The following NLGN2 variants were observed in gnomAD, a reference collection of about 807,000 sequenced individuals.
The protein encoded by NLGN2 is neuroligin-2.
Under a neutral mutation model 48.6 loss-of-function variants are expected in NLGN2, and 11 were observed. The observed-to-expected ratio is 0.23, with a 90% CI of 0.14 to 0.37. The LOEUF (loss-of-function observed/expected upper bound fraction) is 0.37. Ranked by LOEUF, NLGN2 falls within the 10% of genes least tolerant of loss-of-function variation. NLGN2 has a pLI of 1.00. For synonymous variants in NLGN2, 548 were observed against 550.0 expected (o/e 1.00, Z 0.05); for missense variants, 801 against 1,225.2 (o/e 0.65, Z 5.17).
Position 7,408,348 on chromosome 17 carries a change from G to A in NLGN2, c.93G>A (p.Leu31=). The A allele has an allele frequency of 6.8e-7, 1 of 1,479,250 alleles. No individual in the cohort carries two copies. Among genetic ancestry groups the A allele is most frequent in the Non-Finnish European group, 8.9e-7 (1 of 1,117,742 alleles). The allele number at this position is 1,479,250 out of a possible 1,614,324, so 91.6% of individuals were successfully genotyped here. ...PGGGAPGGPG[L]GLGSLGEERF... is the part of the protein sequence containing the mutation. ...GCGGCGCCCCGGGCGGCCCCGGCCT[G>A]GGCCTCGGCAGCCTCGGCGAGGAGC... is the stretch of plus-strand genomic sequence containing the variant. The change falls in exon 1 of 7, where the codon CTG becomes CTA. Residue 31 remains leucine, a synonymous_variant. Transcript: ENST00000302926. This position sits in a 1 kb window ranked among gnomAD's most constrained non-coding sequence, Gnocchi z 7.5.
In NLGN2 at chr17:7,408,061, T is replaced by A; in HGVS notation, c.-195T>A. On this transcript the variant is annotated 5_prime_UTR_variant, in exon 1 of 7. Coordinates refer to ENST00000302926, the MANE Select transcript of NLGN2 (RefSeq NM_020795.4). This position sits in a 1 kb window ranked among gnomAD's most constrained non-coding sequence, Gnocchi z 7.5. ...CATTTCCTTCCCCTTCCCCACCCCG[T>A]GCCCCCTCCATGGAGAGGAACAGAC... 1 of 320,422 alleles carries A rather than the reference T, an allele frequency of 3.1e-6. No individual in the cohort carries two copies. Among genetic ancestry groups the A allele is most frequent in the Non-Finnish European group, 5.6e-6 (1 of 178,580 alleles). 19.8% of individuals were successfully genotyped at this position (320,422 alleles called of 1,614,324 possible).
rs1045483646 is a variant in NLGN2, at chr17:7,411,721, G to C, written c.458-436G>C. ...AAGGGGGCCTTCTGAGAGGTGGCCT[G>C]GGTGGCAAGCTGGCCTTGGTCTCCC... is the stretch of plus-strand genomic sequence containing the variant. On this transcript the variant is annotated intron_variant, in intron 1 of 6. Transcript: ENST00000302926. This position sits in a 1 kb window ranked among gnomAD's most constrained non-coding sequence, Gnocchi z 4.5. Among the ~76,000 whole-genome samples, 18 of 152,184 alleles carry C rather than the reference G, an allele frequency of 1.2e-4. No individual in the cohort carries two copies. The highest frequency in any genetic ancestry group is 4.1e-4 in the African/African-American group (17 of 41,440).
chr17:7,408,212 AGG>A lies in NLGN2; in HGVS notation c.-35_-34del, dbSNP rs749995574. 51 of 880,738 alleles carry A rather than the reference AGG, an allele frequency of 5.8e-5. No individual in the cohort carries two copies. Among genetic ancestry groups the A allele is most frequent in the East Asian group, 8.3e-5 (2 of 23,968 alleles). 54.6% of individuals were successfully genotyped at this position (880,738 alleles called of 1,614,324 possible). A position where few individuals can be genotyped will look rare whatever the true frequency, so the allele number is the denominator to read the frequency against. Reference sequence around the variant, plus strand: ...TCTCCCCCCCTTCTCTCTCTCTCCGAGGGGGGGGGGTCCCAGGGAGGGAGGGG... The same window carrying A: ...TCTCCCCCCCTTCTCTCTCTCTCCGAGGGGGGGGTCCCAGGGAGGGAGGGG... On this transcript the variant is annotated 5_prime_UTR_variant, in exon 1 of 7. Coordinates refer to ENST00000302926, the MANE Select transcript of NLGN2 (RefSeq NM_020795.4). This position sits in a 1 kb window ranked among gnomAD's most constrained non-coding sequence, Gnocchi z 7.5.
In NLGN2 at chr17:7,417,626, G is replaced by A. The variant is rs1158334530; in HGVS notation, c.2335G>A (p.Asp779Asn). ...YTLALRRAPD[D>N]VPLLAPGALT... Reference sequence around the variant, plus strand: ...CCTGGCCCTGCGCCGGGCACCGGACGATGTGCCTCTCTTGGCCCCCGGGGC... The same window carrying A: ...CCTGGCCCTGCGCCGGGCACCGGACAATGTGCCTCTCTTGGCCCCCGGGGC... Residue 779 changes from aspartate to asparagine, a missense_variant, in exon 7 of 7, where the codon GAT (aspartate) becomes AAT (asparagine). Coordinates refer to ENST00000302926, the MANE Select transcript of NLGN2 (RefSeq NM_020795.4). 4 of 1,415,294 alleles carry A rather than the reference G, an allele frequency of 2.8e-6. No homozygotes were observed. Among genetic ancestry groups the A allele is most frequent in the Non-Finnish European group, 1.8e-6 (2 of 1,094,364 alleles). 87.7% of individuals were successfully genotyped at this position (1,415,294 alleles called of 1,614,324 possible).
At position 7,417,672 on chromosome 17, in the gene NLGN2, G is replaced by T; in HGVS notation, c.2381G>T (p.Gly794Val). Residue 794 changes from glycine (G) to valine (V), a missense_variant, in exon 7 of 7, where the codon GGC becomes GTC. By Grantham distance (109) the Gly-to-Val change is moderately radical. Transcript: ENST00000302926. ...GGGGCCCTGACCCTGCTGCCCAGTGGCCTGGGGCCACCGCCACCCCCACCG... is the reference window on the plus strand; with the variant it reads ...GGGGCCCTGACCCTGCTGCCCAGTGTCCTGGGGCCACCGCCACCCCCACCG... ...APGALTLLPSGLGPPPPPPPP... is the reference protein window; with the variant it reads ...APGALTLLPSVLGPPPPPPPP... 1 of 1,380,308 alleles carries T rather than the reference G, an allele frequency of 7.2e-7. No homozygotes were observed. The highest frequency in any genetic ancestry group is 9.3e-7 in the Non-Finnish European group (1 of 1,074,578). 85.5% of individuals were successfully genotyped at this position (1,380,308 alleles called of 1,614,324 possible).
In NLGN2 at chr17:7,414,553, A is replaced by AG. The variant is rs1360278501; in HGVS notation, c.658+63dup. 1.6e-5 allele frequency: 25 copies of AG among 1,611,550 alleles called. 1 individual carries two copies. In the East Asian group the frequency reaches 4.9e-4, roughly 32 times the overall value. On this transcript the variant is annotated intron_variant, in intron 3 of 6. Transcript: ENST00000302926. ...AGTCTGGGAGGTGGGCCTGGTGGGC[A>AG]GGGTTCCTCCACATCCAGCAGAATG...
rs369749658 is a variant in NLGN2, at chr17:7,409,748, G to A, written c.457+1036G>A. On this transcript the variant is annotated intron_variant, in intron 1 of 6. Transcript: ENST00000302926. ...CAGCACCTCCACGGCATGTGCTCAA[G>A]TCCCAAAACAGATGGCAAATCCCAA... Among the ~76,000 whole-genome samples the A allele has an allele frequency of 5.3e-4, 80 of 152,142 alleles. 2 individuals are homozygous for A. Among genetic ancestry groups the A allele is most frequent in the Middle Eastern group, 3.4e-3 (1 of 294 alleles).
In NLGN2 at chr17:7,414,931, G is replaced by A. The variant is rs1354193680; in HGVS notation, c.845-25G>A. ...CCTTCAGGCCGGTACTCACAGCCTG[G>A]CCTGAGGTCTGCCTGTCCCGCCAGG... is the stretch of plus-strand genomic sequence containing the variant. On this transcript the variant is annotated intron_variant, in intron 4 of 6. Transcript: ENST00000302926. 3 of 1,613,080 alleles carry A rather than the reference G, an allele frequency of 1.9e-6. No individual in the cohort carries two copies. In the South Asian group the frequency reaches 3.3e-5, roughly 18 times the overall value.
intron 5 of NLGN2, 89 bp downstream of exon 5, chr17:7,415,237 G>A (rs1907054708): frequency 2.3e-6 from 3 of 1,301,942 alleles, no homozygotes; most frequent in Non-Finnish European, 3.1e-6. Context: ...ATTTGGCAAG[G>A]AGGGATGGGC....
chr17:7,406,507 C>T (rs1906644494), upstream of NLGN2, among the ~76,000 whole-genome samples: 1 of 152,142 alleles, frequency 6.6e-6, no homozygotes, highest in Non-Finnish European at 1.5e-5. Flanking sequence ...AGCTGAAAGG[C>T]AGGGGGCATG....
chr17:7,412,320 C>A, intron 2 of NLGN2, 113 bp downstream of exon 2: 1 of 753,394 alleles, frequency 1.3e-6, no homozygotes, highest in Non-Finnish European at 2.3e-6. Context: ...GTTCTCCCAA[C>A]TAAAATGAAA....
Position 7,417,815 on chromosome 17 carries a change from G to A in NLGN2, c.*16G>A, listed in dbSNP as rs1907202144. 7.5e-7 allele frequency: 1 copy of A among 1,341,980 alleles called. No individual in the cohort carries two copies. The highest frequency in any genetic ancestry group is 9.5e-7 in the Non-Finnish European group (1 of 1,054,668). The allele number at this position is 1,341,980 out of a possible 1,614,324, so 83.1% of individuals were successfully genotyped here. ...TCGGGTATAGGGGGTGGGTGGGGAGGCCCTCCTCCCCGGCCCTCCCTGGCC... is the reference window on the plus strand; with the variant it reads ...TCGGGTATAGGGGGTGGGTGGGGAGACCCTCCTCCCCGGCCCTCCCTGGCC... On this transcript the variant is annotated 3_prime_UTR_variant, in exon 7 of 7. Coordinates refer to ENST00000302926, the MANE Select transcript of NLGN2 (RefSeq NM_020795.4).
intron 6 of NLGN2, 22 bp downstream of exon 6, chr17:7,416,129 C>T (rs376090684): frequency 3.3e-4 from 162 of 497,032 alleles, no homozygotes; most frequent in Non-Finnish European, 5.6e-4. Context: ...AGGGGCTGGG[C>T]GGGGCTGGGC....
Position 7,408,452 on chromosome 17 carries a change from T to C in NLGN2, c.197T>C (p.Val66Ala). Residue 66 changes from valine to alanine, a missense_variant, in exon 1 of 7, where the codon GTC (valine) becomes GCC (alanine). Physicochemically the swap from Val to Ala is moderately conservative, Grantham distance 64. Around this residue, in one of 5 missense-constraint regions of NLGN2, gnomAD observed 164 missense variants for 186.2 expected, o/e 0.88. Coordinates refer to ENST00000302926, the MANE Select transcript of NLGN2 (RefSeq NM_020795.4). The surrounding 1 kb of genome is among the most constrained non-coding windows in gnomAD (Gnocchi z 7.5). ...RELNNEILGPVVQFLGVPYAT... is the reference protein window; with the variant it reads ...RELNNEILGPAVQFLGVPYAT... The stretch of plus-strand genomic sequence containing the variant: ...CTCAACAACGAGATCCTGGGCCCCG[T>C]CGTGCAGTTCTTGGGCGTGCCCTAC... The C allele has an allele frequency of 6.4e-7, 1 of 1,564,286 alleles. No homozygotes were observed. The highest frequency in any genetic ancestry group is 8.6e-7 in the Non-Finnish European group (1 of 1,159,750).
chr17:7,412,751 A>G (rs1324587118), intron 2 of NLGN2, among the ~76,000 whole-genome samples: 1 of 152,032 alleles, frequency 6.6e-6, no homozygotes, highest in Non-Finnish European at 1.5e-5. Context: ...ACAGGGCCCA[A>G]TATCTTGAAG....
intron 2 of NLGN2, 104 bp downstream of exon 2, chr17:7,412,311 T>C: frequency 1.3e-6 from 1 of 783,182 alleles, no homozygotes; most frequent in Non-Finnish European, 2.2e-6. Flanking sequence ...CCCTCAGTCG[T>C]TCTCCCAACT....
chr17:7,409,589 T>A (rs1286164402), intron 1 of NLGN2, among the ~76,000 whole-genome samples: 1 of 151,852 alleles, frequency 6.6e-6, no homozygotes, highest in Non-Finnish European at 1.5e-5. Context: ...CTGACACCCA[T>A]CTTACCACTC....
Position 7,418,276 on chromosome 17 carries a change from C to G in NLGN2, c.*477C>G, listed in dbSNP as rs1454675639. 1.3e-5 allele frequency: 2 copies of G among 152,248 alleles called. No homozygotes were observed. Among genetic ancestry groups the G allele is most frequent in the Non-Finnish European group, 2.9e-5 (2 of 68,134 alleles). The allele number at this position is 152,248 out of a possible 1,614,324, so 9.4% of individuals were successfully genotyped here. A position where few individuals can be genotyped will look rare whatever the true frequency, so the allele number is the denominator to read the frequency against. On this transcript the variant is annotated 3_prime_UTR_variant, in exon 7 of 7. Coordinates refer to ENST00000302926, the MANE Select transcript of NLGN2 (RefSeq NM_020795.4). Reference sequence around the variant, plus strand: ...ACCCTGGAAGTGGTGTGTTCACATACAGTGACCCTTGGCCACCAGACCACA... The same window carrying G: ...ACCCTGGAAGTGGTGTGTTCACATAGAGTGACCCTTGGCCACCAGACCACA...
chr17:7,415,144 G>T lies in NLGN2; in HGVS notation c.1033G>T (p.Ala345Ser), dbSNP rs1192085614. 1 of 1,594,580 alleles carries T rather than the reference G, an allele frequency of 6.3e-7. No homozygotes were observed. The highest frequency in any genetic ancestry group is 1.1e-5 in the South Asian group (1 of 88,658). ...GCTGGTGGACCAGGACGTGCAGCCT[G>T]CCCGGTATGGGGTGGGAGAGGGCTG... ...RELVDQDVQP[A>S]RYHIAFGPVV... is the part of the protein sequence containing the mutation. The change falls in exon 5 of 7, where the codon GCC (alanine) becomes TCC (serine). Residue 345 changes from alanine (A) to serine (S), a missense_variant. Coordinates refer to ENST00000302926, the MANE Select transcript of NLGN2 (RefSeq NM_020795.4).
Sources: gnomAD v4.1 joint callset for allele counts (sites outside exome capture counted in the v4.1 genomes callset) on GRCh38, gnomAD v4.1.1 for gene constraint, gnomAD v4.1.1 regional missense constraint, Gnocchi (gnomAD v3.1) non-coding constraint, MANE v1.5 for transcripts, NCBI Gene and HGNC (gene_info 2026-07-23, HGNC 2026-07-21) for gene names.